Variants in FHIT observed in about 807,000 individuals in gnomAD.
FHIT encodes bis(5'-adenosyl)-triphosphatase.
Under a neutral mutation model 17.9 loss-of-function variants are expected in FHIT, and 19 were observed. The ratio of observed to expected loss-of-function variants is 1.06; its 90% confidence interval spans 0.74 to 1.56. The LOEUF (loss-of-function observed/expected upper bound fraction) is 1.56, where lower values mean the gene tolerates loss of function less well. Ranked by LOEUF, FHIT falls within the 40% of genes most tolerant of loss-of-function variation. FHIT has a pLI of 0.00. For synonymous variants in FHIT, 81 were observed against 69.7 expected, an observed-to-expected ratio of 1.16 and a Z score of -0.81; for missense variants, 248 against 189.2, an observed-to-expected ratio of 1.31 and a Z score of -1.82.
chr3:60,768,626 C>T (rs1699932051), intron 4 of FHIT, among the ~76,000 whole-genome samples: 1 of 152,308 alleles, frequency 6.6e-6, no homozygotes, highest in South Asian at 2.1e-4. Flanking sequence ...CCAATGTGCT[C>T]TCCCACATTT....
chr3:60,565,878 G>T (rs2037116500), intron 4 of FHIT, among the ~76,000 whole-genome samples: 1 of 152,040 alleles, frequency 6.6e-6, no homozygotes, highest in South Asian at 2.1e-4. Context: ...GATCTTTCCT[G>T]CTTTCTCTTA....
intron 4 of FHIT, among the ~76,000 whole-genome samples, chr3:60,812,889 T>A (rs1334995755): frequency 6.6e-6 from 1 of 152,150 alleles, no homozygotes; most frequent in African/African-American, 2.4e-5. Context: ...ATGAACCTCT[T>A]AGAGCCATAG....
chr3:60,280,004 C>A (rs1707353326), intron 5 of FHIT, among the ~76,000 whole-genome samples: 1 of 143,180 alleles, frequency 7.0e-6, no homozygotes, highest in South Asian at 2.3e-4. Context: ...CGCACTCCAG[C>A]GTGGGTGACA....
At chr3:60,016,932 T>C (rs897435163) in intron 5 of FHIT, among the ~76,000 whole-genome samples, 3 of 152,220 alleles carry the variant, frequency 2.0e-5, no homozygotes, top group Admixed American at 2.0e-4. Context: ...TTAATACTAT[T>C]ATAATTCCCA....
At chr3:60,296,500 T>C (rs1339945868) in intron 5 of FHIT, among the ~76,000 whole-genome samples, 1 of 152,146 alleles carries the variant, frequency 6.6e-6, no homozygotes, top group African/African-American at 2.4e-5. Context: ...CCAAATGGTT[T>C]GTCTTTTTTG....
At chr3:60,438,252 T>C (rs2107319262) in intron 5 of FHIT, among the ~76,000 whole-genome samples, 1 of 152,092 alleles carries the variant, frequency 6.6e-6, no homozygotes, top group East Asian at 1.9e-4. Flanking sequence ...ATGATAATAG[T>C]GAAAAACACA....
chr3:60,263,302 T>G (rs1706396525), intron 5 of FHIT, among the ~76,000 whole-genome samples: 3 of 151,966 alleles, frequency 2.0e-5, no homozygotes, highest in African/African-American at 7.2e-5. Context: ...CCTTGTAAAT[T>G]TGACTTTAAA....
intron 4 of FHIT, among the ~76,000 whole-genome samples, chr3:60,714,488 C>A (rs1553706132): frequency 6.6e-6 from 1 of 152,198 alleles, no homozygotes. Flanking sequence ...AAGAGGAAGT[C>A]AAATTGTTCC....
chr3:61,046,465 C>G (rs545151320), intron 2 of FHIT, among the ~76,000 whole-genome samples: 56 of 152,210 alleles, frequency 3.7e-4, no homozygotes, highest in African/African-American at 1.3e-3. Flanking sequence ...CTGAATAGAC[C>G]AATAACAGGC....
chr3:59,796,716 T>G (rs928074592), intron 8 of FHIT, among the ~76,000 whole-genome samples: 8 of 152,110 alleles, frequency 5.3e-5, no homozygotes, highest in Non-Finnish European at 4.4e-5. Context: ...TGGGTTTTTC[T>G]GGGTTTTTCT....
At chr3:60,594,939 TTC>T (rs2038209865) in intron 4 of FHIT, among the ~76,000 whole-genome samples, 4 of 152,120 alleles carry the variant, frequency 2.6e-5, no homozygotes, top group Admixed American at 2.6e-4. Flanking sequence ...TCCAACTGTA[TTC>T]TTTCCTCATT....
chr3:59,960,927 G>T (rs114962333), intron 7 of FHIT, among the ~76,000 whole-genome samples: 1 of 152,142 alleles, frequency 6.6e-6, no homozygotes, highest in Non-Finnish European at 1.5e-5. Flanking sequence ...TCCTGACAGC[G>T]AACCCAGCAA....
chr3:60,576,772 A>G (rs2037579665), intron 4 of FHIT, among the ~76,000 whole-genome samples: 1 of 152,144 alleles, frequency 6.6e-6, no homozygotes, highest in Non-Finnish European at 1.5e-5. Context: ...TTAAAATAGA[A>G]AAGTAATGGG....
At chr3:60,139,528 T>G (rs1699947878) in intron 5 of FHIT, among the ~76,000 whole-genome samples, 1 of 152,190 alleles carries the variant, frequency 6.6e-6, no homozygotes, top group African/African-American at 2.4e-5. Context: ...ATATCCCTTC[T>G]GAACTTCTTA....
At chr3:59,750,099 G>C (rs1283238706) in intron 9 of FHIT, 5 of 226,442 alleles carry the variant, frequency 2.2e-5, no homozygotes, top group Non-Finnish European at 3.5e-5. Context: ...AGATGTACAA[G>C]GGAAGTCAAT....
At chr3:59,946,039 A>G (rs1706785178) in intron 7 of FHIT, among the ~76,000 whole-genome samples, 1 of 152,174 alleles carries the variant, frequency 6.6e-6, no homozygotes, top group Non-Finnish European at 1.5e-5. Flanking sequence ...GAATTTTAGA[A>G]TAAATTTTTC....
chr3:60,372,530 C>T (rs953252201), intron 5 of FHIT, among the ~76,000 whole-genome samples: 1 of 152,126 alleles, frequency 6.6e-6, no homozygotes, highest in Non-Finnish European at 1.5e-5. Context: ...AACACATGCC[C>T]ACACTTGGAT....
chr3:60,518,966 A>C (rs10212612), intron 5 of FHIT, among the ~76,000 whole-genome samples: 48,094 of 152,130 alleles, frequency 0.32, 7,754 homozygotes, highest in Middle Eastern at 0.41. Flanking sequence ...GGTGGCACCA[A>C]TGCACTCTAG....
At chr3:61,123,679 T>G (rs1015979603) in intron 2 of FHIT, among the ~76,000 whole-genome samples, 5 of 152,140 alleles carry the variant, frequency 3.3e-5, no homozygotes, top group African/African-American at 9.7e-5. Flanking sequence ...CCCCACATTA[T>G]GCTTGCTCTG....
Sources: gnomAD v4.1 joint callset for allele counts (sites outside exome capture counted in the v4.1 genomes callset) on GRCh38, gnomAD v4.1.1 for gene constraint, MANE v1.5 for transcripts, NCBI Gene and HGNC (gene_info 2026-07-23, HGNC 2026-07-21) for gene names.